Variants in ZNF618 observed in about 807,000 individuals in gnomAD.
The protein encoded by ZNF618 is neural precursor cell expressed, developmentally down-regulated 10.
ZNF618 carries 34 observed loss-of-function variants against 103.0 expected under a neutral mutation model. The observed-to-expected ratio is 0.33, with a 90% CI of 0.25 to 0.44. The LOEUF (loss-of-function observed/expected upper bound fraction) is 0.44, where lower values mean the gene tolerates loss of function less well. Among genes scored for constraint, ZNF618 ranks in the 20% least tolerant of loss-of-function variants. The probability of loss-of-function intolerance (pLI) is 1.00; values close to 1 mark genes in which losing one functional copy is unlikely to be tolerated. For synonymous variants in ZNF618, 551 were observed against 542.2 expected (o/e 1.02, Z -0.23); for missense variants, 1,059 against 1,295.4 (o/e 0.82, Z 2.80).
At chr9:113,934,497 G>A (rs1001379051) in intron 1 of ZNF618, among the ~76,000 whole-genome samples, 3 of 152,192 alleles carry the variant, frequency 2.0e-5, no homozygotes, top group African/African-American at 4.8e-5. Context: ...TGAAGCCCGT[G>A]TTCGGTTTAT....
intron 1 of ZNF618, among the ~76,000 whole-genome samples, chr9:113,939,800 G>A (rs564751468): frequency 6.0e-5 from 9 of 151,026 alleles, no homozygotes; most frequent in Admixed American, 1.3e-4. Context: ...CTCTGATTCC[G>A]TAGTCATAGC....
intron 1 of ZNF618, among the ~76,000 whole-genome samples, chr9:113,889,717 A>G (rs1010658822): frequency 6.6e-6 from 1 of 151,958 alleles, no homozygotes; most frequent in East Asian, 1.9e-4. Context: ...CTAGCTATCT[A>G]CCTTTCCATG....
chr9:114,031,772 A>G (rs549159690), intron 11 of ZNF618, among the ~76,000 whole-genome samples: 15 of 152,278 alleles, frequency 9.9e-5, no homozygotes, highest in African/African-American at 3.6e-4. Context: ...GCACTGGGTC[A>G]GCTGCACATC....
intron 1 of ZNF618, among the ~76,000 whole-genome samples, chr9:113,954,582 G>A (rs915738329): frequency 6.6e-6 from 1 of 152,184 alleles, no homozygotes; most frequent in African/African-American, 2.4e-5. Context: ...CCAAATGGGG[G>A]ACTGGACTCA....
intron 1 of ZNF618, among the ~76,000 whole-genome samples, chr9:113,878,616 A>G (rs1828187143): frequency 6.6e-6 from 1 of 152,190 alleles, no homozygotes; most frequent in Non-Finnish European, 1.5e-5. Flanking sequence ...CTTGCTGGGG[A>G]TTTTGAGCCT....
intron 1 of ZNF618, among the ~76,000 whole-genome samples, chr9:113,900,958 C>G (rs61482083): frequency 1.6e-4 from 8 of 48,878 alleles, no homozygotes; most frequent in Admixed American, 2.7e-4. Flanking sequence ...GCGAACCCGA[C>G]CTCCTGTCTC....
intron 1 of ZNF618, among the ~76,000 whole-genome samples, chr9:113,954,585 T>C (rs73554495): frequency 6.6e-6 from 1 of 152,182 alleles, no homozygotes; most frequent in East Asian, 1.9e-4. Flanking sequence ...AATGGGGGAC[T>C]GGACTCAGGT....
chr9:113,998,145 T>C (rs1386640490), intron 3 of ZNF618, 114 bp from the exon 4 acceptor site: 2 of 914,820 alleles, frequency 2.2e-6, no homozygotes, highest in South Asian at 1.6e-5. Context: ...AACGAAGAGG[T>C]AGGCAGTGTG....
At chr9:113,948,690 G>C (rs1835275238) in intron 1 of ZNF618, among the ~76,000 whole-genome samples, 1 of 152,232 alleles carries the variant, frequency 6.6e-6, no homozygotes, top group African/African-American at 2.4e-5. Flanking sequence ...AAATGTGCCA[G>C]CCATTGTGCG....
intron 2 of ZNF618, among the ~76,000 whole-genome samples, chr9:113,985,804 G>C (rs12684662): frequency 6.6e-6 from 1 of 152,316 alleles, no homozygotes; most frequent in South Asian, 2.1e-4. Context: ...TCACCTCTCA[G>C]TGCCACAGTT....
At chr9:113,888,174 G>A (rs1184438272) in intron 1 of ZNF618, among the ~76,000 whole-genome samples, 1 of 152,218 alleles carries the variant, frequency 6.6e-6, no homozygotes, top group African/African-American at 2.4e-5. Flanking sequence ...CCACTTTGAG[G>A]TGTTGAATCT....
At chr9:114,029,074 G>A in intron 11 of ZNF618, 102 bp downstream of exon 11, 1 of 1,459,378 alleles carries the variant, frequency 6.9e-7, no homozygotes, top group Non-Finnish European at 9.1e-7. Context: ...AAGAGCAAGA[G>A]TGGCAGTCCC....
intron 1 of ZNF618, among the ~76,000 whole-genome samples, chr9:113,886,462 CGAA>C (rs1047322613): frequency 1.1e-4 from 16 of 152,000 alleles, no homozygotes; most frequent in African/African-American, 1.2e-4. Flanking sequence ...AAAGAATAGA[CGAA>C]GACATTTTTG....
At chr9:113,934,955 T>C (rs979005225) in intron 1 of ZNF618, among the ~76,000 whole-genome samples, 2 of 152,152 alleles carry the variant, frequency 1.3e-5, no homozygotes, top group African/African-American at 2.4e-5. Context: ...AGGAGGGGCG[T>C]GGGGCTCAGC....
At chr9:114,040,259 C>G (rs7869264) in intron 13 of ZNF618, among the ~76,000 whole-genome samples, 13,055 of 151,956 alleles carry the variant, frequency 0.086, 649 homozygotes, top group African/African-American at 0.13. Context: ...CACACCATCG[C>G]AGAACTGGGT....
chr9:113,982,097 C>G (rs1839030056), intron 2 of ZNF618, among the ~76,000 whole-genome samples: 1 of 152,200 alleles, frequency 6.6e-6, no homozygotes, highest in Admixed American at 6.5e-5. Flanking sequence ...CAGGATTGAG[C>G]AGGAACAAAG....
At chr9:114,036,434 A>C (rs1844617403) in intron 13 of ZNF618, 57 bp downstream of exon 13, 2 of 1,533,592 alleles carry the variant, frequency 1.3e-6, no homozygotes, top group Non-Finnish European at 8.8e-7. Context: ...CAAATTGAAG[A>C]GATGGTTAGG....
chr9:114,022,601 CAA>C (rs56235947), intron 10 of ZNF618, among the ~76,000 whole-genome samples: 2 of 90,786 alleles, frequency 2.2e-5, no homozygotes, highest in African/African-American at 4.1e-5. Context: ...TCCACTTGAC[CAA>C]AAAAAAAAAA....
chr9:113,886,690 G>C (rs1829099122), intron 1 of ZNF618, among the ~76,000 whole-genome samples: 1 of 152,130 alleles, frequency 6.6e-6, no homozygotes, highest in Non-Finnish European at 1.5e-5. Flanking sequence ...TTTGTTGTGA[G>C]GCCTGCCTTT....
Sources: allele counts gnomAD v4.1 joint callset (sites outside exome capture counted in the v4.1 genomes callset), GRCh38; gene constraint gnomAD v4.1.1; transcripts MANE v1.5; gene names NCBI Gene and HGNC (gene_info 2026-07-23, HGNC 2026-07-21).